The following DPP10 variants were observed in gnomAD, a reference collection of about 807,000 sequenced individuals.
The protein encoded by DPP10 is inactive dipeptidyl peptidase 10.
Under a neutral mutation model 120.9 loss-of-function variants are expected in DPP10, and 33 were observed. That is an observed-to-expected ratio of 0.27 (90% CI 0.21 to 0.37). The LOEUF (loss-of-function observed/expected upper bound fraction) is 0.37. DPP10 is among the 10% of genes least tolerant of loss of function. DPP10 has a pLI of 1.00. For synonymous variants in DPP10, 337 were observed against 326.1 expected (o/e 1.03, Z -0.36); for missense variants, 816 against 942.8 (o/e 0.87, Z 1.76).
intron 1 of DPP10, among the ~76,000 whole-genome samples, chr2:114,784,511 C>G (rs1448468173): frequency 6.6e-6 from 1 of 152,128 alleles, no homozygotes; most frequent in East Asian, 1.9e-4. Flanking sequence ...AAAACCTTCT[C>G]AAATATGTTC....
chr2:114,742,313 A>T (rs1337654216), intron 1 of DPP10, among the ~76,000 whole-genome samples: 1 of 152,240 alleles, frequency 6.6e-6, no homozygotes. Flanking sequence ...AGTGAAAAAA[A>T]ATTAAAAAGG....
chr2:115,345,928 A>G (rs929779412), intron 3 of DPP10, among the ~76,000 whole-genome samples: 2 of 152,174 alleles, frequency 1.3e-5, no homozygotes, highest in African/African-American at 4.8e-5. Flanking sequence ...GTGTTATTAT[A>G]ATGTTCTAAG....
At chr2:115,837,058 A>G (rs1281743820) in intron 24 of DPP10, among the ~76,000 whole-genome samples, 1 of 152,192 alleles carries the variant, frequency 6.6e-6, no homozygotes, top group Non-Finnish European at 1.5e-5. Context: ...GAGGAACTGA[A>G]TTGATTTTAT....
At chr2:114,672,653 C>T (rs1409531103) in intron 1 of DPP10, among the ~76,000 whole-genome samples, 1 of 152,140 alleles carries the variant, frequency 6.6e-6, no homozygotes, top group Non-Finnish European at 1.5e-5. Context: ...CCCAGTTGAC[C>T]TTTCTTGTTA....
At chr2:115,447,164 A>G (rs773646833) in intron 3 of DPP10, among the ~76,000 whole-genome samples, 14 of 152,164 alleles carry the variant, frequency 9.2e-5, no homozygotes, top group Non-Finnish European at 1.8e-4. Flanking sequence ...GAGCTTTAAG[A>G]TTTAATGACT....
In DPP10 at chr2:115,334,486, A is replaced by T. The variant is rs373490614; in HGVS notation, c.176-9331A>T. Among the ~76,000 whole-genome samples, 6 of 151,646 alleles carry T rather than the reference A, an allele frequency of 4.0e-5. No homozygotes were observed. In the East Asian group the frequency reaches 1.2e-3, roughly 29 times the overall value. On this transcript the variant is annotated intron_variant, in intron 2 of 25. Transcript: ENST00000410059. ...CTTCATTAAAGAGCTTGAACTATAG[A>T]TTATTATTTTTCCAATTTATATTTT... is the stretch of plus-strand genomic sequence containing the variant.
At chr2:115,218,676 G>C (rs2056967981) in intron 1 of DPP10, among the ~76,000 whole-genome samples, 1 of 151,992 alleles carries the variant, frequency 6.6e-6, no homozygotes, top group Admixed American at 6.6e-5. Context: ...TCCATACCAG[G>C]AAAATCCTCT....
rs186003628 is a variant in DPP10 at position 114,996,075 on chromosome 2, A to G, written c.61-313164A>G. On this transcript the variant is annotated intron_variant, in intron 1 of 25. Coordinates refer to ENST00000410059, the MANE Select transcript of DPP10 (RefSeq NM_020868.6). The stretch of plus-strand genomic sequence containing the variant: ...TTTCATTCAAGCTTTGAAAGATTCA[A>G]TCTATGCAAGGATGTTTCTCTAAGC... Among the ~76,000 whole-genome samples, 719 of 152,336 alleles carry G rather than the reference A, an allele frequency of 4.7e-3. 5 individuals carry two copies. The highest frequency in any genetic ancestry group is 0.01 in the Middle Eastern group (3 of 294).
chr2:114,484,681 C>A lies in DPP10; in HGVS notation c.60+41843C>A, dbSNP rs1429336642. Among the ~76,000 whole-genome samples, 14 of 152,138 alleles carry A rather than the reference C, an allele frequency of 9.2e-5. No individual in the cohort carries two copies. The East Asian group carries it at 2.7e-3, about 29-fold the overall frequency. On this transcript the variant is annotated intron_variant, in intron 1 of 25. Transcript: ENST00000410059. ...TAGAAATACAGCCTCTCTCATCCCA[C>A]ACCAGAACTCTTCAACAGGAATCTC... is the stretch of plus-strand genomic sequence containing the variant.
intron 1 of DPP10, among the ~76,000 whole-genome samples, chr2:114,975,333 C>T (rs1462682869): frequency 6.6e-6 from 1 of 152,018 alleles, no homozygotes; most frequent in Non-Finnish European, 1.5e-5. Flanking sequence ...CGTGAGCCAC[C>T]GTGCCTGGCT....
chr2:115,028,707 T>C (rs1703639144), intron 1 of DPP10, among the ~76,000 whole-genome samples: 1 of 151,964 alleles, frequency 6.6e-6, no homozygotes, highest in Admixed American at 6.6e-5. Context: ...ACATTAGACT[T>C]ACTAATGTTT....
intron 11 of DPP10, among the ~76,000 whole-genome samples, chr2:115,757,305 G>C (rs866513978): frequency 6.6e-6 from 1 of 151,896 alleles, no homozygotes; most frequent in Middle Eastern, 3.4e-3. Context: ...TGCTGATAAA[G>C]ACATACCGAG....
chr2:114,797,972 C>A (rs910756566), intron 1 of DPP10, among the ~76,000 whole-genome samples: 1 of 152,156 alleles, frequency 6.6e-6, no homozygotes, highest in African/African-American at 2.4e-5. Context: ...ATCATGGGCT[C>A]CTTGTCATTC....
rs561360997 is a variant in DPP10, at chr2:114,662,145, T to G, written c.60+219307T>G. On this transcript the variant is annotated intron_variant, in intron 1 of 25. Coordinates refer to ENST00000410059, the MANE Select transcript of DPP10 (RefSeq NM_020868.6). ...AGTGGGGACCCAGCAAAGCCAAAAATCAGGTCCGGGGGAAGAGCGAACGGT... is the reference window on the plus strand; with the variant it reads ...AGTGGGGACCCAGCAAAGCCAAAAAGCAGGTCCGGGGGAAGAGCGAACGGT... Among the ~76,000 whole-genome samples, 3 of 151,866 alleles carry G rather than the reference T, an allele frequency of 2.0e-5. No homozygotes were observed. The South Asian group carries it at 6.2e-4, about 32-fold the overall frequency.
intron 1 of DPP10, among the ~76,000 whole-genome samples, chr2:114,844,299 A>G (rs1688380269): frequency 6.6e-6 from 1 of 152,052 alleles, no homozygotes; most frequent in Non-Finnish European, 1.5e-5. Flanking sequence ...GTTTCCTCAA[A>G]TGCTAAATGC....
intron 1 of DPP10, among the ~76,000 whole-genome samples, chr2:114,980,631 A>G (rs1309603223): frequency 4.3e-5 from 6 of 138,640 alleles, no homozygotes; most frequent in Non-Finnish European, 9.5e-5. Flanking sequence ...AAAAGAATCT[A>G]CTGAAAAAAA....
intron 5 of DPP10, among the ~76,000 whole-genome samples, chr2:115,554,830 A>G (rs565625638): frequency 1.3e-5 from 2 of 152,100 alleles, no homozygotes; most frequent in African/African-American, 4.8e-5. Context: ...AAAAATATAC[A>G]TTTCCTTGGT....
chr2:114,908,333 T>A (rs906913959), intron 1 of DPP10, among the ~76,000 whole-genome samples: 7 of 151,978 alleles, frequency 4.6e-5, no homozygotes, highest in African/African-American at 1.7e-4. Context: ...TGGATTTGCA[T>A]CTGCTAGTTT....
chr2:115,776,448 C>CT (rs1286063164), intron 13 of DPP10, among the ~76,000 whole-genome samples: 1 of 151,964 alleles, frequency 6.6e-6, no homozygotes, highest in Non-Finnish European at 1.5e-5. Context: ...TGAACTCATC[C>CT]TTTTTTTACG....
Sources: allele counts gnomAD v4.1 joint callset (sites outside exome capture counted in the v4.1 genomes callset), GRCh38; gene constraint gnomAD v4.1.1; transcripts MANE v1.5; gene names NCBI Gene and HGNC (gene_info 2026-07-23, HGNC 2026-07-21).